The following EIF4G3 variants were observed in gnomAD, a reference collection of about 807,000 sequenced individuals.
EIF4G3 encodes the protein eIF-4-gamma 3.
In EIF4G3, 34 loss-of-function variants were observed where a neutral mutation model predicts 186.4. The observed-to-expected ratio is 0.18, with a 90% confidence interval of 0.14 to 0.24. The LOEUF is 0.24. Ranked by LOEUF, EIF4G3 falls within the 10% of genes least tolerant of loss-of-function variation. The probability of loss-of-function intolerance (pLI) is 1.00; values close to 1 mark genes in which losing one functional copy is unlikely to be tolerated. For synonymous variants in EIF4G3, 673 were observed against 679.5 expected (o/e 0.99, Z 0.15); for missense variants, 1,536 against 1,948.5 (o/e 0.79, Z 3.99).
chr1:21,107,608 A>C (rs963585047), intron 2 of EIF4G3, among the ~76,000 whole-genome samples: 1 of 152,212 alleles, frequency 6.6e-6, no homozygotes, highest in African/African-American at 2.4e-5. Flanking sequence ...CCAATGTATA[A>C]AGTTTTATTA....
intron 3 of EIF4G3, among the ~76,000 whole-genome samples, chr1:21,052,536 G>GCTCCCTCCTCTCCCT (rs893135316): frequency 5.9e-5 from 9 of 151,578 alleles, no homozygotes; most frequent in East Asian, 5.8e-4. Context: ...CAAATTCCTA[G>GCTCCCTCCTCTCCCT]CTCCCTCCTC....
intron 36 of EIF4G3, among the ~76,000 whole-genome samples, chr1:20,809,626 G>C (rs1001762531): frequency 2.0e-5 from 3 of 152,172 alleles, no homozygotes; most frequent in African/African-American, 7.2e-5. Context: ...ATATAGCATG[G>C]TAAATACACT....
intron 2 of EIF4G3, among the ~76,000 whole-genome samples, chr1:21,145,601 C>T (rs2097425846): frequency 6.6e-6 from 1 of 151,880 alleles, no homozygotes; most frequent in East Asian, 1.9e-4. Context: ...TCATTTGAAA[C>T]AAAATTAAAA....
chr1:21,014,083 T>A (rs565645989), intron 4 of EIF4G3, among the ~76,000 whole-genome samples: 1 of 152,200 alleles, frequency 6.6e-6, no homozygotes, highest in South Asian at 2.1e-4. Flanking sequence ...GCAAGAGAAT[T>A]GCTTGAACCT....
chr1:20,981,647 G>A (rs1468358794), intron 8 of EIF4G3, among the ~76,000 whole-genome samples: 182 of 112,498 alleles, frequency 1.6e-3, no homozygotes, highest in African/African-American at 4.8e-3. Context: ...CATACTGTAT[G>A]TATACATACA....
chr1:21,114,988 C>A (rs1268299706), intron 2 of EIF4G3, among the ~76,000 whole-genome samples: 1 of 152,146 alleles, frequency 6.6e-6, no homozygotes, highest in Non-Finnish European at 1.5e-5. Flanking sequence ...CATGGTAAGA[C>A]CCCATCTCTA....
chr1:20,810,822 T>G lies in EIF4G3; in HGVS notation c.4660A>C (p.Lys1554Gln). 2 of 1,614,132 alleles carry G rather than the reference T, an allele frequency of 1.2e-6. No individual in the cohort carries two copies. The highest frequency in any genetic ancestry group is 8.5e-7 in the Non-Finnish European group (1 of 1,179,990). The change falls in exon 36 of 37, where the codon AAG becomes CAG. Residue 1554 changes from lysine (K) to glutamine (Q), a missense_variant. Lys to Gln is a moderately conservative substitution (Grantham distance 53). This residue lies in a region of EIF4G3 where 395 missense variants were observed against 498.9 expected (regional missense o/e 0.79). Coordinates refer to ENST00000602326, the MANE Select transcript of EIF4G3 (RefSeq NM_001391906.1). The surrounding 1 kb of genome is among the most constrained non-coding windows in gnomAD (Gnocchi z 4.1). ...TTCTCTGTATCTGAGTCTAGGTACT[T>G]GAGTAAGATCGGCACTCTCTGCTTG... The part of the protein sequence containing the change: ...VIKQRVPILL[K>Q]YLDSDTEKEL...
At chr1:21,067,826 A>C (rs2095302314) in intron 3 of EIF4G3, among the ~76,000 whole-genome samples, 1 of 152,136 alleles carries the variant, frequency 6.6e-6, no homozygotes, top group Non-Finnish European at 1.5e-5. Flanking sequence ...AACTCTCTTA[A>C]AACTGCAGTT....
In EIF4G3 at chr1:20,955,129, C is replaced by T. The variant is rs183712760; in HGVS notation, c.715-5018G>A. ...GCAGGCAGGAGTCAGGCAGACAGGC[C>T]TTACAGGCCAGACCAAGGGTTTTTG... is the stretch of plus-strand genomic sequence containing the variant. On this transcript the variant is annotated intron_variant, in intron 12 of 36. Transcript: ENST00000602326. Among the ~76,000 whole-genome samples the T allele has an allele frequency of 1.7e-3, 260 of 152,286 alleles. 6 individuals carry two copies. Among genetic ancestry groups the T allele is most frequent in the Admixed American group, 0.01 (155 of 15,294 alleles).
intron 4 of EIF4G3, chr1:21,003,871 T>C (rs2084282932): frequency 1.7e-5 from 5 of 288,334 alleles, no homozygotes; most frequent in South Asian, 3.2e-5. Context: ...ACTCTGGTGG[T>C]TACCTCTCTA....
At chr1:21,073,550 C>G in intron 3 of EIF4G3, 2 of 421,008 alleles carry the variant, frequency 4.8e-6, no homozygotes, top group South Asian at 3.5e-5. Context: ...TTTCATGGTT[C>G]AGGTATCACC....
intron 7 of EIF4G3, among the ~76,000 whole-genome samples, chr1:20,996,673 A>G (rs2082349908): frequency 1.3e-5 from 2 of 152,344 alleles, no homozygotes; most frequent in South Asian, 4.1e-4. Flanking sequence ...CATATTAAAG[A>G]CAGTTACCAC....
At chr1:20,997,700 A>G in intron 6 of EIF4G3, 67 bp from the exon 7 acceptor site, 1 of 1,350,084 alleles carries the variant, frequency 7.4e-7, no homozygotes, top group East Asian at 2.6e-5. Context: ...CACAACAAAA[A>G]CCAAAATTTC....
chr1:20,819,453 A>C (rs1192300851), intron 33 of EIF4G3, among the ~76,000 whole-genome samples: 1 of 149,042 alleles, frequency 6.7e-6, no homozygotes, highest in African/African-American at 2.5e-5. Flanking sequence ...ATATTTATTT[A>C]TTTATTTATT....
rs190074775 is a variant in EIF4G3, at chr1:21,057,206, G to A, written c.-195-6212C>T. 4.4e-3 allele frequency among the ~76,000 whole-genome samples: 671 copies of A among 152,142 alleles called. 3 individuals carry two copies. Among genetic ancestry groups the A allele is most frequent in the African/African-American group, 0.015 (637 of 41,502 alleles). ...AATGAAAACGTGCACCAGGGTACAT[G>A]AACAAAAATGTTCATAGTTGTATTG... is the stretch of plus-strand genomic sequence containing the variant. On this transcript the variant is annotated intron_variant, in intron 3 of 36. Transcript: ENST00000602326.
chr1:21,022,859 C>G (rs1391626797), intron 4 of EIF4G3, among the ~76,000 whole-genome samples: 1 of 152,124 alleles, frequency 6.6e-6, no homozygotes, highest in Non-Finnish European at 1.5e-5. Context: ...CCAACAGATC[C>G]CCTAGGTTTT....
intron 2 of EIF4G3, among the ~76,000 whole-genome samples, chr1:21,104,118 G>T (rs527957557): frequency 6.6e-6 from 1 of 152,100 alleles, no homozygotes; most frequent in Non-Finnish European, 1.5e-5. Flanking sequence ...GAACAATGCC[G>T]GCTACATGAC....
intron 14 of EIF4G3, among the ~76,000 whole-genome samples, chr1:20,938,935 C>T (rs944110124): frequency 3.3e-5 from 5 of 151,634 alleles, no homozygotes; most frequent in South Asian, 2.1e-4. Flanking sequence ...GGTGAAACCC[C>T]GTCTCTACTA....
rs1489335587 is a variant in EIF4G3 at position 21,002,826 on chromosome 1, G to A, written c.-66-18C>T. On this transcript the variant is annotated intron_variant, in intron 4 of 36. Coordinates refer to ENST00000602326, the MANE Select transcript of EIF4G3 (RefSeq NM_001391906.1). ...TAAGGGGTCTGTCAAAAAATGGCAA[G>A]AACAATATAATATTTTGAAAAAATA... 2 of 1,438,348 alleles carry A rather than the reference G, an allele frequency of 1.4e-6. No individual in the cohort carries two copies. Among genetic ancestry groups the A allele is most frequent in the Non-Finnish European group, 9.7e-7 (1 of 1,033,000 alleles). The allele number at this position is 1,438,348 out of a possible 1,614,324, so 89.1% of individuals were successfully genotyped here. A position where few individuals can be genotyped will look rare whatever the true frequency, so the allele number is the denominator to read the frequency against.
Sources: gnomAD v4.1 joint callset for allele counts (sites outside exome capture counted in the v4.1 genomes callset) on GRCh38, gnomAD v4.1.1 for gene constraint, gnomAD v4.1.1 regional missense constraint, Gnocchi (gnomAD v3.1) non-coding constraint, MANE v1.5 for transcripts, NCBI Gene and HGNC (gene_info 2026-07-23, HGNC 2026-07-21) for gene names.